DPP10: variants seen among roughly 807,000 people sequenced by gnomAD.
The protein encoded by DPP10 is inactive dipeptidyl peptidase 10.
Under a neutral mutation model 120.9 loss-of-function variants are expected in DPP10, and 33 were observed. That is an observed-to-expected ratio of 0.27 (90% CI 0.21 to 0.37). The LOEUF is 0.37. Among genes scored for constraint, DPP10 ranks in the 10% least tolerant of loss-of-function variants. The probability of loss-of-function intolerance (pLI) is 1.00; values close to 1 mark genes in which losing one functional copy is unlikely to be tolerated. For missense variants in DPP10, 816 were observed against 942.8 expected, an observed-to-expected ratio of 0.87 and a Z score of 1.76; for synonymous variants, 337 against 326.1, an observed-to-expected ratio of 1.03 and a Z score of -0.36.
At chr2:115,295,172 G>A (rs1428722975) in intron 1 of DPP10, among the ~76,000 whole-genome samples, 1 of 151,988 alleles carries the variant, frequency 6.6e-6, no homozygotes, top group Non-Finnish European at 1.5e-5. Context: ...AAGACTAGGG[G>A]GAAGAAAAGG....
chr2:114,562,594 C>G (rs1222886990), intron 1 of DPP10, among the ~76,000 whole-genome samples: 1 of 152,108 alleles, frequency 6.6e-6, no homozygotes, highest in Non-Finnish European at 1.5e-5. Flanking sequence ...CATTTTACAG[C>G]CTGTAAAGTA....
At chr2:114,751,326 A>G (rs6542220) in intron 1 of DPP10, among the ~76,000 whole-genome samples, 8,145 of 152,280 alleles carry the variant, frequency 0.053, 297 homozygotes, top group South Asian at 0.1. Context: ...CAAAGCTAGT[A>G]CTTGCTACCT....
intron 3 of DPP10, among the ~76,000 whole-genome samples, chr2:115,465,568 ATCCC>A (rs1290436969): frequency 1.5e-4 from 23 of 152,312 alleles, no homozygotes; most frequent in African/African-American, 5.5e-4. Context: ...CACGCCTGTA[ATCCC>A]AGTACTTTGG....
chr2:114,687,479 A>G (rs1699449708), intron 1 of DPP10, among the ~76,000 whole-genome samples: 1 of 151,176 alleles, frequency 6.6e-6, no homozygotes, highest in Admixed American at 6.6e-5. Context: ...TTAAAAATCA[A>G]ACAACCAGAA....
intron 2 of DPP10, among the ~76,000 whole-genome samples, chr2:115,327,237 CTT>C (rs2062420691): frequency 6.6e-6 from 1 of 152,150 alleles, no homozygotes; most frequent in South Asian, 2.1e-4. Context: ...ATGCAGTAGA[CTT>C]TAGCATCTGG....
At chr2:115,378,677 T>C (rs2066015757) in intron 3 of DPP10, among the ~76,000 whole-genome samples, 1 of 151,996 alleles carries the variant, frequency 6.6e-6, no homozygotes, top group South Asian at 2.1e-4. Context: ...CAGTATGATA[T>C]TGGCTGTGGG....
chr2:115,224,123 C>T (rs989668128), intron 1 of DPP10, among the ~76,000 whole-genome samples: 1 of 151,954 alleles, frequency 6.6e-6, no homozygotes, highest in African/African-American at 2.4e-5. Flanking sequence ...GGTACATATG[C>T]AGATTAGTGA....
In DPP10 at chr2:115,842,503, C is replaced by T. The variant is rs1291229283; in HGVS notation, c.*158C>T. On this transcript the variant is annotated 3_prime_UTR_variant, in exon 26 of 26. Transcript: ENST00000410059. ...GACAGTGAACTAGCATTTGAATACA[C>T]AAGTCCAAGTCTACTGTGTTGCTAG... 1.3e-6 allele frequency: 1 copy of T among 782,246 alleles called. No individual in the cohort carries two copies. The highest frequency in any genetic ancestry group is 1.9e-6 in the Non-Finnish European group (1 of 533,748). The allele number at this position is 782,246 out of a possible 1,614,324, so 48.5% of individuals were successfully genotyped here.
At chr2:114,748,494 C>T (rs1678859252) in intron 1 of DPP10, among the ~76,000 whole-genome samples, 1 of 140,260 alleles carries the variant, frequency 7.1e-6, no homozygotes, top group African/African-American at 2.7e-5. Context: ...TGCTGGTGCA[C>T]TGCACCCACT....
intron 2 of DPP10, among the ~76,000 whole-genome samples, chr2:115,339,117 A>G (rs2063312839): frequency 1.3e-5 from 2 of 152,306 alleles, no homozygotes; most frequent in Non-Finnish European, 2.9e-5. Context: ...AAACAAACAC[A>G]CCAACGAAAT....
At chr2:115,817,242 G>A (rs1036887230) in intron 21 of DPP10, among the ~76,000 whole-genome samples, 26 of 119,320 alleles carry the variant, frequency 2.2e-4, no homozygotes, top group Non-Finnish European at 4.1e-4. Flanking sequence ...GCGAGACTCC[G>A]TCTCAAAATA....
chr2:115,468,857 C>G (rs932777457), intron 3 of DPP10: 1 of 411,620 alleles, frequency 2.4e-6, no homozygotes, highest in African/African-American at 2.1e-5. Context: ...CTGGAGCACT[C>G]AAGACTGCCA....
chr2:115,120,969 G>C (rs908833729), intron 1 of DPP10, among the ~76,000 whole-genome samples: 1 of 152,222 alleles, frequency 6.6e-6, no homozygotes, highest in African/African-American at 2.4e-5. Context: ...AGAGGGAGAA[G>C]ATAAGGAGAT....
intron 3 of DPP10, among the ~76,000 whole-genome samples, chr2:115,432,659 T>TTGTG (rs59844767): frequency 0.035 from 4,873 of 137,662 alleles, 158 homozygotes; most frequent in African/African-American, 0.086. Context: ...ATAGGCAATT[T>TTGTG]TGTGTGTGTG....
intron 1 of DPP10, among the ~76,000 whole-genome samples, chr2:115,095,716 C>T (rs17044031): frequency 0.21 from 31,194 of 151,344 alleles, 3,903 homozygotes; most frequent in East Asian, 0.36. Flanking sequence ...ACAAAATATG[C>T]AATTAAATAC....
intron 1 of DPP10, among the ~76,000 whole-genome samples, chr2:114,745,200 G>A (rs925962987): frequency 6.6e-6 from 1 of 152,096 alleles, no homozygotes; most frequent in African/African-American, 2.4e-5. Flanking sequence ...GAAGTGTTTT[G>A]AAAACAGCTT....
chr2:114,927,733 G>T (rs559604090), intron 1 of DPP10, among the ~76,000 whole-genome samples: 1 of 152,188 alleles, frequency 6.6e-6, no homozygotes, highest in Admixed American at 6.5e-5. Flanking sequence ...AGTATCTGAA[G>T]TTGGGTAATT....
At chr2:115,804,502 G>A (rs1282155767) in intron 19 of DPP10, among the ~76,000 whole-genome samples, 2 of 152,174 alleles carry the variant, frequency 1.3e-5, no homozygotes, top group East Asian at 3.9e-4. Flanking sequence ...AGGAGGAGAG[G>A]CGCTCTGGTT....
At chr2:114,665,250 A>G (rs1295494540) in intron 1 of DPP10, among the ~76,000 whole-genome samples, 1 of 152,256 alleles carries the variant, frequency 6.6e-6, no homozygotes, top group South Asian at 2.1e-4. Flanking sequence ...CAAGTTAAAG[A>G]AGTGAGATAG....
Sources: gnomAD v4.1 joint callset for allele counts (sites outside exome capture counted in the v4.1 genomes callset) on GRCh38, gnomAD v4.1.1 for gene constraint, MANE v1.5 for transcripts, NCBI Gene and HGNC (gene_info 2026-07-23, HGNC 2026-07-21) for gene names.